TEDC2: variants seen among roughly 807,000 people sequenced by gnomAD.
TEDC2 encodes tubulin epsilon and delta complex protein 2.
A neutral mutation model predicts 48.1 loss-of-function variants in TEDC2; 49 were observed. The observed-to-expected ratio is 1.02, with a 90% CI of 0.81 to 1.29. The LOEUF (loss-of-function observed/expected upper bound fraction) is 1.29. TEDC2 is among the 50% of genes most tolerant of loss of function. The pLI is 0.00. For synonymous variants in TEDC2, 299 were observed against 247.1 expected (o/e 1.21, Z -1.97); for missense variants, 631 against 571.4 (o/e 1.10, Z -1.06).
intron 8 of TEDC2, among the ~76,000 whole-genome samples, chr16:2,463,619 T>A (rs1490022280): frequency 2.1e-5 from 3 of 144,298 alleles, no homozygotes; most frequent in Non-Finnish European, 4.5e-5. Flanking sequence ...AGAGTGAGAC[T>A]CCGTCTCCAA....
Position 2,462,701 on chromosome 16 carries a change from G to C in TEDC2, c.933G>C (p.Gln311His). 1 of 1,544,874 alleles carries C rather than the reference G, an allele frequency of 6.5e-7. No homozygotes were observed. The highest frequency in any genetic ancestry group is 1.2e-5 in the South Asian group (1 of 83,958). ...TLEGLQAMVG[Q>H]CLHRLQELRA... ...AGGGGCTGCAGGCCATGGTGGGCCA[G>C]TGTCTGCACAGGCTGCAGGAGCTGC... Residue 311 changes from glutamine to histidine, a missense_variant, in exon 8 of 10, where the codon CAG becomes CAC. By Grantham distance (24) the Gln-to-His change is conservative. Coordinates refer to ENST00000361837, the MANE Select transcript of TEDC2 (RefSeq NM_025108.3).
Position 2,461,023 on chromosome 16 carries a change from AC to A in TEDC2, c.405del (p.Asp135GlufsTer143), listed in dbSNP as rs2065463366. ...GGCCAAGCTGGTGGCCATGCTTCAG[AC>A]ACGAGACCCACCAAGGGCCTCCGCC... is the stretch of plus-strand genomic sequence containing the variant. ...SPGQAGGHASDTRPTKGLRQT... is the reference protein window; with the variant it reads ...SPGQAGGHASXTRPTKGLRQT... On this transcript the variant is annotated frameshift_variant, in exon 4 of 10. Transcript: ENST00000361837. LOFTEE classifies it high-confidence loss of function. 9.3e-6 allele frequency: 15 copies of A among 1,612,464 alleles called. No individual in the cohort carries two copies. The East Asian group carries it at 3.1e-4, about 34-fold the overall frequency.
In TEDC2 at chr16:2,460,975, CCT is replaced by C; in HGVS notation, c.358_359del (p.Ser120ArgfsTer34). On this transcript the variant is annotated frameshift_variant, in exon 4 of 10. Coordinates refer to ENST00000361837, the MANE Select transcript of TEDC2 (RefSeq NM_025108.3). LOFTEE classifies it high-confidence loss of function. Reference sequence around the variant, plus strand: ...ATTGTCACCTCTTCTGGCACGACAGCCTCCGCCCCACCGCATTCCCCAGGCCA... The same window carrying C: ...ATTGTCACCTCTTCTGGCACGACAGCCCGCCCCACCGCATTCCCCAGGCCA... 1 of 1,613,394 alleles carries C rather than the reference CCT, an allele frequency of 6.2e-7. No homozygotes were observed. The highest frequency in any genetic ancestry group is 1.1e-5 in the South Asian group (1 of 91,088).
At chr16:2,463,939 CA>C in intron 8 of TEDC2, 99 bp from the exon 9 acceptor site, 24 of 1,294,414 alleles carry the variant, frequency 1.9e-5, no homozygotes, top group Non-Finnish European at 2.6e-5. Context: ...CTCCTAAAGG[CA>C]GGGCAGGTGG....
chr16:2,462,690 A>G lies in TEDC2; in HGVS notation c.922A>G (p.Met308Val), dbSNP rs763955802. The change falls in exon 8 of 10, where the codon ATG becomes GTG. Residue 308 changes from methionine to valine, a missense_variant. Transcript: ENST00000361837. ...GCTCACGCTGGAGGGGCTGCAGGCC[A>G]TGGTGGGCCAGTGTCTGCACAGGCT... is the stretch of plus-strand genomic sequence containing the variant. ...CLLTLEGLQA[M>V]VGQCLHRLQE... 5 of 1,545,492 alleles carry G rather than the reference A, an allele frequency of 3.2e-6. No homozygotes were observed. In the East Asian group the frequency reaches 7.3e-5, roughly 23 times the overall value.
intron 1 of TEDC2, 35 bp from the exon 2 acceptor site, chr16:2,460,248 T>C (rs2065456746): frequency 2.0e-6 from 3 of 1,497,286 alleles, no homozygotes; most frequent in Non-Finnish European, 8.8e-7. Flanking sequence ...GGCCCGACGC[T>C]GGCCGAGGTG....
At position 2,462,466 on chromosome 16, in the gene TEDC2, G is replaced by C; in HGVS notation, c.802G>C (p.Gly268Arg). 6.2e-7 allele frequency: 1 copy of C among 1,610,910 alleles called. No homozygotes were observed. The highest frequency in any genetic ancestry group is 8.5e-7 in the Non-Finnish European group (1 of 1,179,240). The part of the protein sequence containing the change: ...LSAVEVEAEA[G>R]RLRKACSLLR... ...TGCTGTGGAGGTGGAGGCGGAGGCG[G>C]GGCGCCTGCGGAAGGCCTGCTCGCT... Residue 268 changes from glycine (G) to arginine (R), a missense_variant, in exon 7 of 10, where the codon GGG becomes CGG. By Grantham distance (125) the Gly-to-Arg change is moderately radical. Transcript: ENST00000361837.
At chr16:2,463,592 A>C (rs2065480961) in intron 8 of TEDC2, among the ~76,000 whole-genome samples, 1 of 150,550 alleles carries the variant, frequency 6.6e-6, no homozygotes, top group African/African-American at 2.5e-5. Context: ...GCACCACTGC[A>C]CTCCAGCCTG....
chr16:2,464,279 G>A lies in TEDC2; in HGVS notation c.1155+50G>A, dbSNP rs761385636. On this transcript the variant is annotated intron_variant, in intron 9 of 9. Coordinates refer to ENST00000361837, the MANE Select transcript of TEDC2 (RefSeq NM_025108.3). ...GTGCAACAGAGGTCCGCAGCCTTGA[G>A]GACCCGAGGGTAGGGGCTTGACTGC... 3 of 1,577,202 alleles carry A rather than the reference G, an allele frequency of 1.9e-6. No individual in the cohort carries two copies. The Admixed American group carries it at 5.5e-5, about 29-fold the overall frequency.
chr16:2,464,790 G>T lies in TEDC2; in HGVS notation c.*122G>T. 7.5e-7 allele frequency: 1 copy of T among 1,336,112 alleles called. No homozygotes were observed. Among genetic ancestry groups the T allele is most frequent in the Non-Finnish European group, 1.0e-6 (1 of 974,460 alleles). The allele number at this position is 1,336,112 out of a possible 1,614,324, so 82.8% of individuals were successfully genotyped here. ...GGAAACCTGGTGAACTGGACCAGGTGGCCTCACTGGCTCTTCTCAGGACAA... is the reference window on the plus strand; with the variant it reads ...GGAAACCTGGTGAACTGGACCAGGTTGCCTCACTGGCTCTTCTCAGGACAA... On this transcript the variant is annotated 3_prime_UTR_variant, in exon 10 of 10. Coordinates refer to ENST00000361837, the MANE Select transcript of TEDC2 (RefSeq NM_025108.3).
In TEDC2 at chr16:2,464,046, G is replaced by A. The variant is rs368866253; in HGVS notation, c.972G>A (p.Ala324=). The change falls in exon 9 of 10, where the codon GCG becomes GCA. Residue 324 remains alanine, a synonymous_variant. Coordinates refer to ENST00000361837, the MANE Select transcript of TEDC2 (RefSeq NM_025108.3). ...ATTCTCCTGTGCACACAGCGGTGGC[G>A]GAACAGCCACCAAGACCATGTCCTG... ...HRLQELRAAV[A]EQPPRPCPVG... 7.8e-5 allele frequency: 126 copies of A among 1,611,680 alleles called. No individual in the cohort carries two copies. Among genetic ancestry groups the A allele is most frequent in the Non-Finnish European group, 1.0e-4 (120 of 1,179,274 alleles).
chr16:2,464,296 C>T (rs2065486399), intron 9 of TEDC2, 67 bp downstream of exon 9: 7 of 1,538,754 alleles, frequency 4.5e-6, no homozygotes, highest in Non-Finnish European at 6.2e-6. Context: ...AGGGTAGGGG[C>T]TTGACTGCTC....
At position 2,464,866 on chromosome 16, in the gene TEDC2, T is replaced by A; in HGVS notation, c.*198T>A. 1.4e-6 allele frequency: 1 copy of A among 692,428 alleles called. No individual in the cohort carries two copies. The highest frequency in any genetic ancestry group is 2.3e-6 in the Non-Finnish European group (1 of 427,992). The allele number at this position is 692,428 out of a possible 1,614,324, so 42.9% of individuals were successfully genotyped here. On this transcript the variant is annotated 3_prime_UTR_variant, in exon 10 of 10. Coordinates refer to ENST00000361837, the MANE Select transcript of TEDC2 (RefSeq NM_025108.3). ...TTCAGCCTTCCTAAGGCTCCTGGAC[T>A]CCAGAGGCCAGCGGGGAGCCTTTCC...
rs1382204959 is a variant in TEDC2, at chr16:2,460,942, C to G, written c.323C>G (p.Ser108Cys). 1.2e-5 allele frequency: 20 copies of G among 1,613,460 alleles called. No homozygotes were observed. Among genetic ancestry groups the G allele is most frequent in the Non-Finnish European group, 1.6e-5 (19 of 1,180,028 alleles). ...GERDKAPSLK[S>C]RSIVTSSGTT... ...AGAGACAAGGCCCCCAGCCTGAAATCTAGGTCCATTGTCACCTCTTCTGGC... is the reference window on the plus strand; with the variant it reads ...AGAGACAAGGCCCCCAGCCTGAAATGTAGGTCCATTGTCACCTCTTCTGGC... Residue 108 changes from serine to cysteine, a missense_variant, in exon 4 of 10, where the codon TCT becomes TGT. Transcript: ENST00000361837.
chr16:2,460,270 G>A lies in TEDC2; in HGVS notation c.27-13G>A. The stretch of plus-strand genomic sequence containing the variant: ...CGCTGGCCGAGGTGCTGAGCCGCCG[G>A]TGCGTCCCCCAGGCTGGTGGCCGAG... On this transcript the variant is annotated splice_polypyrimidine_tract_variant and intron_variant, in intron 1 of 9. Coordinates refer to ENST00000361837, the MANE Select transcript of TEDC2 (RefSeq NM_025108.3). 1 of 1,519,416 alleles carries A rather than the reference G, an allele frequency of 6.6e-7. No individual in the cohort carries two copies. The highest frequency in any genetic ancestry group is 8.8e-7 in the Non-Finnish European group (1 of 1,139,854). 94.1% of individuals were successfully genotyped at this position (1,519,416 alleles called of 1,614,324 possible).
Position 2,464,166 on chromosome 16 carries a change from G to C in TEDC2, c.1092G>C (p.Leu364=). ...QLLVYSSTQE[L]QTLAALKLRV... is the part of the protein sequence containing the mutation. ...TTGTCTACTCCAGCACCCAGGAGCT[G>C]CAGACCCTGGCGGCCCTCAAGCTGC... The change falls in exon 9 of 10, where the codon CTG becomes CTC. Residue 364 remains leucine, a synonymous_variant. Coordinates refer to ENST00000361837, the MANE Select transcript of TEDC2 (RefSeq NM_025108.3). 6.2e-7 allele frequency: 1 copy of C among 1,612,596 alleles called. No homozygotes were observed. Among genetic ancestry groups the C allele is most frequent in the African/African-American group, 1.3e-5 (1 of 75,048 alleles).
intron 1 of TEDC2, 33 bp from the exon 2 acceptor site, chr16:2,460,250 G>A: frequency 6.7e-7 from 1 of 1,503,238 alleles, no homozygotes; most frequent in Non-Finnish European, 8.8e-7. Flanking sequence ...CCCGACGCTG[G>A]CCGAGGTGCT....
intron 8 of TEDC2, 53 bp from the exon 9 acceptor site, chr16:2,463,986 G>A (rs765034153): frequency 5.8e-6 from 9 of 1,559,784 alleles, no homozygotes; most frequent in Admixed American, 5.3e-5. Flanking sequence ...CAGGAAAAGC[G>A]GGGCCCTGGG....
At position 2,460,922 on chromosome 16, in the gene TEDC2, C is replaced by A; in HGVS notation, c.303C>A (p.Asp101Glu). The change falls in exon 4 of 10, where the codon GAC becomes GAA. Residue 101 changes from aspartate to glutamate, a missense_variant. Asp to Glu is a conservative substitution (Grantham distance 45). Transcript: ENST00000361837. ...GCATCACTAAGGCCGGAGAGAGAGA[C>A]AAGGCCCCCAGCCTGAAATCTAGGT... is the stretch of plus-strand genomic sequence containing the variant. ...RRGITKAGER[D>E]KAPSLKSRSI... 6.2e-7 allele frequency: 1 copy of A among 1,613,558 alleles called. No individual in the cohort carries two copies. The highest frequency in any genetic ancestry group is 1.1e-5 in the South Asian group (1 of 91,090).
Sources: gnomAD v4.1 joint callset for allele counts (sites outside exome capture counted in the v4.1 genomes callset) on GRCh38, gnomAD v4.1.1 for gene constraint, MANE v1.5 for transcripts, NCBI Gene and HGNC (gene_info 2026-07-23, HGNC 2026-07-21) for gene names.